HIVEP3: variants seen among roughly 807,000 people sequenced by gnomAD.
The protein encoded by HIVEP3 is HIVEP zinc finger 3.
Under a neutral mutation model 152.8 loss-of-function variants are expected in HIVEP3, and 49 were observed. That is an observed-to-expected ratio of 0.32 (90% CI 0.26 to 0.41). HIVEP3 has a LOEUF of 0.41. HIVEP3 is among the 10% of genes least tolerant of loss of function. HIVEP3 has a pLI of 1.00. For synonymous variants in HIVEP3, 1,269 were observed against 1,289.0 expected (o/e 0.98, Z 0.33); for missense variants, 2,790 against 3,103.3 (o/e 0.90, Z 2.40).
intron 1 of HIVEP3, among the ~76,000 whole-genome samples, chr1:41,824,312 C>T (rs1326871809): frequency 6.6e-6 from 1 of 152,144 alleles, no homozygotes. Context: ...GTCATTTCCA[C>T]CATTTACTTT....
At chr1:41,842,041 C>T (rs1379280974) in intron 1 of HIVEP3, among the ~76,000 whole-genome samples, 1 of 151,802 alleles carries the variant, frequency 6.6e-6, no homozygotes, top group East Asian at 1.9e-4. Flanking sequence ...TGCAGTGAGT[C>T]GAGATCACAG....
At chr1:41,835,220 C>A (rs1643086284) in intron 1 of HIVEP3, among the ~76,000 whole-genome samples, 1 of 152,230 alleles carries the variant, frequency 6.6e-6, no homozygotes, top group African/African-American at 2.4e-5. Flanking sequence ...CAAAATACCA[C>A]AGACTAGGTG....
intron 1 of HIVEP3, among the ~76,000 whole-genome samples, chr1:41,949,912 C>T (rs1452607436): frequency 6.6e-6 from 1 of 152,118 alleles, no homozygotes; most frequent in Non-Finnish European, 1.5e-5. Flanking sequence ...CCCTACTATG[C>T]CCCAGTTCAG....
At chr1:42,033,893 C>G (rs902417670) in intron 1 of HIVEP3, among the ~76,000 whole-genome samples, 1 of 152,176 alleles carries the variant, frequency 6.6e-6, no homozygotes, top group African/African-American at 2.4e-5. Context: ...ATTTACTTAA[C>G]TATGTGACCT....
rs142716662 is a variant in HIVEP3 at position 41,508,343 on chromosome 1, G to C, written c.*2108C>G. ...GGGCTGAAAGGCAAGGATGAGAAAA[G>C]CCCTGGCCTCCTGGGACTTGGAGGA... On this transcript the variant is annotated 3_prime_UTR_variant, in exon 9 of 9. Coordinates refer to ENST00000372583, the MANE Select transcript of HIVEP3 (RefSeq NM_024503.5). 11 of 152,436 alleles carry C rather than the reference G, an allele frequency of 7.2e-5. No individual in the cohort carries two copies. Among genetic ancestry groups the C allele is most frequent in the Admixed American group, 2.6e-4 (4 of 15,310 alleles). 9.4% of individuals were successfully genotyped at this position (152,436 alleles called of 1,614,324 possible). A position where few individuals can be genotyped will look rare whatever the true frequency, so the allele number is the denominator to read the frequency against.
At chr1:41,752,811 C>G (rs1647187260) in intron 1 of HIVEP3, among the ~76,000 whole-genome samples, 1 of 152,182 alleles carries the variant, frequency 6.6e-6, no homozygotes, top group Non-Finnish European at 1.5e-5. Context: ...CAAAGCTTGG[C>G]TAGGAAAAGT....
rs757797659 is a variant in HIVEP3, at chr1:41,581,284, G to A, written c.3514C>T (p.Leu1172=). The A allele has an allele frequency of 4.3e-6, 7 of 1,610,310 alleles. No individual in the cohort carries two copies. The highest frequency in any genetic ancestry group is 2.5e-6 in the Non-Finnish European group (3 of 1,178,382). ...FFSTQAMSSL[L]SSPYSMPPLP... ...GGGGGCATGGAGTATGGTGAGGACA[G>A]GAGGCTGGACATGGCCTGGGTGGAG... Residue 1172 remains leucine, a synonymous_variant, in exon 4 of 9, where the codon CTG becomes TTG. Coordinates refer to ENST00000372583, the MANE Select transcript of HIVEP3 (RefSeq NM_024503.5). This position sits in a 1 kb window ranked among gnomAD's most constrained non-coding sequence, Gnocchi z 4.5.
At chr1:41,775,429 T>C (rs1648634652) in intron 1 of HIVEP3, among the ~76,000 whole-genome samples, 2 of 152,232 alleles carry the variant, frequency 1.3e-5, no homozygotes, top group Admixed American at 1.3e-4. Context: ...CATTCTTCTT[T>C]CAGATCACCT....
chr1:41,563,763 A>C (rs1352367914), intron 5 of HIVEP3, among the ~76,000 whole-genome samples: 1 of 152,250 alleles, frequency 6.6e-6, no homozygotes, highest in Non-Finnish European at 1.5e-5. Flanking sequence ...CAGGAAAAAA[A>C]CCTAAAAACA....
intron 3 of HIVEP3, among the ~76,000 whole-genome samples, chr1:41,620,649 C>T (rs1176329725): frequency 6.6e-6 from 1 of 152,176 alleles, no homozygotes; most frequent in Non-Finnish European, 1.5e-5. Flanking sequence ...GCATTTCCAG[C>T]AGCTCTCACA....
At chr1:41,939,770 C>A (rs950224381) in intron 1 of HIVEP3, among the ~76,000 whole-genome samples, 7 of 152,120 alleles carry the variant, frequency 4.6e-5, no homozygotes, top group Non-Finnish European at 8.8e-5. Context: ...ATAACTAAAT[C>A]CAATCTTCTT....
chr1:41,608,286 G>C (rs1644849865), intron 3 of HIVEP3, among the ~76,000 whole-genome samples: 3 of 152,212 alleles, frequency 2.0e-5, no homozygotes, highest in Admixed American at 2.0e-4. Flanking sequence ...ATTGCCAAAA[G>C]AAGGACTTTT....
intron 1 of HIVEP3, among the ~76,000 whole-genome samples, chr1:41,954,340 G>A (rs1645127999): frequency 6.6e-6 from 1 of 152,134 alleles, no homozygotes; most frequent in African/African-American, 2.4e-5. Flanking sequence ...TGCATAAAAG[G>A]ACAGTAAGCC....
At chr1:41,877,799 T>C (rs941314002) in intron 1 of HIVEP3, among the ~76,000 whole-genome samples, 1 of 152,184 alleles carries the variant, frequency 6.6e-6, no homozygotes, top group African/African-American at 2.4e-5. Flanking sequence ...CTAATGTTCA[T>C]TACCTAGAAC....
chr1:41,629,070 T>C, intron 2 of HIVEP3, 123 bp from the exon 3 acceptor site: 1 of 583,710 alleles, frequency 1.7e-6, no homozygotes, highest in Non-Finnish European at 2.4e-6. Context: ...CAGCTTTACT[T>C]GGTACAGGGC....
At chr1:41,949,863 T>C (rs762350023) in intron 1 of HIVEP3, among the ~76,000 whole-genome samples, 1 of 152,182 alleles carries the variant, frequency 6.6e-6, no homozygotes, top group Non-Finnish European at 1.5e-5. Flanking sequence ...GTTGATGACA[T>C]TGAAGGCACC....
At chr1:41,908,532 G>A (rs548122612) in intron 1 of HIVEP3, among the ~76,000 whole-genome samples, 183 of 152,320 alleles carry the variant, frequency 1.2e-3, no homozygotes, top group Non-Finnish European at 1.7e-3. Flanking sequence ...ATAAATACAT[G>A]TGGATATATA....
At chr1:41,688,812 A>G (rs6656478) in intron 2 of HIVEP3, among the ~76,000 whole-genome samples, 1,790 of 151,454 alleles carry the variant, frequency 0.012, 37 homozygotes, top group African/African-American at 0.041. Flanking sequence ...GAGTTCCCCA[A>G]ACGGATCTGT....
chr1:41,622,311 G>A (rs989322869), intron 3 of HIVEP3, among the ~76,000 whole-genome samples: 5 of 152,142 alleles, frequency 3.3e-5, no homozygotes, highest in African/African-American at 4.8e-5. Context: ...GGCACTCAGG[G>A]GGCAGGGAAG....
Sources: gnomAD v4.1 joint callset for allele counts (sites outside exome capture counted in the v4.1 genomes callset) on GRCh38, gnomAD v4.1.1 for gene constraint, Gnocchi (gnomAD v3.1) non-coding constraint, MANE v1.5 for transcripts, NCBI Gene and HGNC (gene_info 2026-07-23, HGNC 2026-07-21) for gene names.